IL1RAPL2: variants seen among roughly 807,000 people sequenced by gnomAD.
IL1RAPL2 encodes X-linked interleukin-1 receptor accessory protein-like 2.
Under a neutral mutation model 44.1 loss-of-function variants are expected in IL1RAPL2, and 3 were observed. That is an observed-to-expected ratio of 0.07 (90% CI 0.03 to 0.18). The LOEUF is 0.18. Ranked by LOEUF, IL1RAPL2 falls within the 10% of genes least tolerant of loss-of-function variation. IL1RAPL2 has a pLI of 1.00. For missense variants in IL1RAPL2, 391 were observed against 496.4 expected, an observed-to-expected ratio of 0.79 and a Z score of 2.02; for synonymous variants, 181 against 178.8, an observed-to-expected ratio of 1.01 and a Z score of -0.10.
intron 2 of IL1RAPL2, among the ~76,000 whole-genome samples, chrX:104,700,965 T>C (rs1253362078): frequency 1.8e-5 from 2 of 112,136 alleles, no homozygotes; most frequent in Non-Finnish European, 3.8e-5. Flanking sequence ...AACAATTCTT[T>C]GAAGTTTGAG....
chrX:104,628,096 T>A (rs1464063720), intron 1 of IL1RAPL2, among the ~76,000 whole-genome samples: 1 of 111,618 alleles, frequency 9.0e-6, no homozygotes, highest in Non-Finnish European at 1.9e-5. Flanking sequence ...ATGGGGTACA[T>A]GTGATATTTT....
At chrX:104,946,409 A>AAAAAAAC (rs1163144267) in intron 2 of IL1RAPL2, among the ~76,000 whole-genome samples, 1 of 84,967 alleles carries the variant, frequency 1.2e-5, no homozygotes, top group African/African-American at 4.2e-5. Context: ...AAAAAAAAAA[A>AAAAAAAC]CTTTTTAAAA....
chrX:105,136,604 G>A (rs1243109575), intron 2 of IL1RAPL2, among the ~76,000 whole-genome samples: 2 of 112,422 alleles, frequency 1.8e-5, no homozygotes, highest in Non-Finnish European at 3.8e-5. Context: ...CATGGTATAT[G>A]TATTCAGATT....
At chrX:104,930,509 C>T (rs1324167538) in intron 2 of IL1RAPL2, among the ~76,000 whole-genome samples, 1 of 111,877 alleles carries the variant, frequency 8.9e-6, no homozygotes, top group Non-Finnish European at 1.9e-5. Context: ...CTATTCAATA[C>T]TCACAGTAGC....
At chrX:105,517,400 T>C (rs1370023227) in intron 6 of IL1RAPL2, among the ~76,000 whole-genome samples, 1 of 111,712 alleles carries the variant, frequency 9.0e-6, no homozygotes, top group African/African-American at 3.3e-5. Context: ...AAAATTCTCA[T>C]GGCTAGCACT....
At chrX:105,195,312 C>T (rs1020657451) in intron 2 of IL1RAPL2, among the ~76,000 whole-genome samples, 163 bp from the exon 3 acceptor site, 17 of 109,899 alleles carry the variant, frequency 1.5e-4, no homozygotes, top group Non-Finnish European at 2.7e-4. Context: ...GCTGTGCTTA[C>T]TAAGGTCTAA....
At chrX:105,089,447 C>A (rs1419016558) in intron 2 of IL1RAPL2, among the ~76,000 whole-genome samples, 1 of 110,990 alleles carries the variant, frequency 9.0e-6, no homozygotes, top group Non-Finnish European at 1.9e-5. Context: ...TGTCTCCAAC[C>A]ATGCCCAACC....
chrX:105,574,326 T>C (rs1333644405), intron 6 of IL1RAPL2, among the ~76,000 whole-genome samples: 1 of 111,183 alleles, frequency 9.0e-6, no homozygotes, highest in African/African-American at 3.3e-5. Context: ...AGGAAAGAAT[T>C]GCTTGTGTTT....
intron 2 of IL1RAPL2, among the ~76,000 whole-genome samples, chrX:104,778,251 C>T (rs1474563101): frequency 9.1e-6 from 1 of 110,152 alleles, no homozygotes; most frequent in Non-Finnish European, 1.9e-5. Flanking sequence ...GTTAGCCCCT[C>T]GGAGATCTTT....
At chrX:105,051,071 G>A (rs1471938629) in intron 2 of IL1RAPL2, among the ~76,000 whole-genome samples, 2 of 112,653 alleles carry the variant, frequency 1.8e-5, no homozygotes, top group African/African-American at 6.4e-5. Context: ...ATTCCAGTGG[G>A]TCTGCAGGAC....
At chrX:104,909,877 C>T (rs1235744815) in intron 2 of IL1RAPL2, among the ~76,000 whole-genome samples, 1 of 112,447 alleles carries the variant, frequency 8.9e-6, no homozygotes, top group Non-Finnish European at 1.9e-5. Flanking sequence ...GTGGTGGGCT[C>T]CACCCAGTTC....
intron 2 of IL1RAPL2, among the ~76,000 whole-genome samples, chrX:105,120,359 A>G (rs1183885168): frequency 1.8e-5 from 2 of 110,526 alleles, no homozygotes; most frequent in African/African-American, 3.3e-5. Context: ...GTACTTTTAG[A>G]TAAATGAAAT....
chrX:105,675,853 A>T (rs1308739321), intron 6 of IL1RAPL2, among the ~76,000 whole-genome samples: 4 of 111,757 alleles, frequency 3.6e-5, no homozygotes, highest in Non-Finnish European at 7.5e-5. Flanking sequence ...TTATTGGTCT[A>T]TTGAGGGATT....
At chrX:105,728,694 A>G (rs759830505) in intron 7 of IL1RAPL2, among the ~76,000 whole-genome samples, 9 of 111,133 alleles carry the variant, frequency 8.1e-5, no homozygotes, top group Admixed American at 4.8e-4. Context: ...TGGCACATTT[A>G]TTACAATTAA....
At chrX:105,542,753 A>G (rs1602459092) in intron 6 of IL1RAPL2, among the ~76,000 whole-genome samples, 1 of 78,107 alleles carries the variant, frequency 1.3e-5, no homozygotes, top group Non-Finnish European at 2.3e-5. Context: ...TTTTTTTTTG[A>G]GACGGAGTCT....
Position 105,077,915 on chromosome X carries a change from A to G in IL1RAPL2, c.83-117560A>G, listed in dbSNP as rs1408497370. On this transcript the variant is annotated intron_variant, in intron 2 of 10. Transcript: ENST00000372582. ...TCAGGTCCTTTAAGGACTTCTCTGC[A>G]TTGGTTATTCCAGTTATGCATTCAT... is the stretch of plus-strand genomic sequence containing the variant. Among the ~76,000 whole-genome samples, 4 of 111,191 alleles carry G rather than the reference A, an allele frequency of 3.6e-5. No individual in the cohort carries two copies. In the East Asian group the frequency reaches 1.1e-3, roughly 32 times the overall value.
chrX:104,602,974 C>A (rs1312201080), intron 1 of IL1RAPL2, among the ~76,000 whole-genome samples: 1 of 111,751 alleles, frequency 8.9e-6, no homozygotes, highest in East Asian at 2.8e-4. Flanking sequence ...TGTTCAAGCT[C>A]TGATAAGGGT....
At chrX:105,095,353 T>C (rs2032591929) in intron 2 of IL1RAPL2, among the ~76,000 whole-genome samples, 1 of 111,740 alleles carries the variant, frequency 8.9e-6, no homozygotes, top group Admixed American at 9.5e-5. Flanking sequence ...CTATTCTTAG[T>C]TTGTTGAGTG....
In IL1RAPL2 at chrX:105,219,216, T is replaced by C. The variant is rs200857924; in HGVS notation, c.357-14602T>C. The stretch of plus-strand genomic sequence containing the variant: ...CGGAAGGCAGCTGAGGCGGAACTGG[T>C]GCTGTGACTGTTGCTTGTGGAGGGG... On this transcript the variant is annotated intron_variant, in intron 3 of 10. Coordinates refer to ENST00000372582, the MANE Select transcript of IL1RAPL2 (RefSeq NM_017416.2). The C allele has an allele frequency of 1.5e-4, 183 of 1,208,494 alleles. No homozygotes were observed. The African/African-American group carries it at 2.9e-3, about 19-fold the overall frequency.
Sources: gnomAD v4.1 joint callset for allele counts (sites outside exome capture counted in the v4.1 genomes callset) on GRCh38, gnomAD v4.1.1 for gene constraint, MANE v1.5 for transcripts, NCBI Gene and HGNC (gene_info 2026-07-23, HGNC 2026-07-21) for gene names.